The following KCTD1 variants were observed in gnomAD, a reference collection of about 807,000 sequenced individuals.
KCTD1 encodes the protein BTB/POZ domain-containing protein KCTD1.
KCTD1 carries 24 observed loss-of-function variants against 66.0 expected under a neutral mutation model. The ratio of observed to expected loss-of-function variants is 0.36; its 90% confidence interval spans 0.26 to 0.51. KCTD1 has a LOEUF of 0.51. Among genes scored for constraint, KCTD1 ranks in the 20% least tolerant of loss-of-function variants. KCTD1 has a pLI of 0.95. For synonymous variants in KCTD1, 511 were observed against 517.2 expected (o/e 0.99, Z 0.16); for missense variants, 943 against 1,205.2 (o/e 0.78, Z 3.22).
upstream of KCTD1, among the ~76,000 whole-genome samples, chr18:26,641,287 G>C (rs140797643): frequency 7.8e-3 from 1,183 of 152,200 alleles, 47 homozygotes; most frequent in Admixed American, 0.056. Context: ...GTAGCGCCAC[G>C]GTGCCTCAGA....
At chr18:26,543,136 T>C (rs1985053340) in intron 1 of KCTD1, 1 of 152,230 alleles carries the variant, frequency 6.6e-6, no homozygotes, top group African/African-American at 2.4e-5. Flanking sequence ...AAGAAAGTTA[T>C]ATACTTATGT....
At chr18:26,567,978 C>G (rs1409744066) in intron 1 of KCTD1, among the ~76,000 whole-genome samples, 5 of 152,138 alleles carry the variant, frequency 3.3e-5, no homozygotes, top group Admixed American at 6.5e-5. Flanking sequence ...TCAAGATGAT[C>G]AAGGCCTCAT....
chr18:26,524,694 T>C (rs1486752644), intron 1 of KCTD1, among the ~76,000 whole-genome samples: 1 of 152,170 alleles, frequency 6.6e-6, no homozygotes, highest in African/African-American at 2.4e-5. Context: ...ATGATATCTC[T>C]GGAAGAATCC....
At chr18:26,626,974 T>G (rs2145030770) in intron 1 of KCTD1, among the ~76,000 whole-genome samples, 1 of 152,292 alleles carries the variant, frequency 6.6e-6, no homozygotes, top group East Asian at 1.9e-4. Flanking sequence ...TATGGAATAA[T>G]GATGCTTGTT....
At chr18:26,655,035 G>A (rs762866210) in intron 1 of KCTD1, among the ~76,000 whole-genome samples, 9 of 152,316 alleles carry the variant, frequency 5.9e-5, no homozygotes, top group Middle Eastern at 3.4e-3. Context: ...CACCAAGTAG[G>A]CTATTAGTTG....
chr18:26,510,766 T>C (rs1339789306), intron 1 of KCTD1, among the ~76,000 whole-genome samples: 2 of 152,242 alleles, frequency 1.3e-5, no homozygotes, highest in African/African-American at 4.8e-5. Flanking sequence ...TTAAATACAC[T>C]TAAAACACTA....
chr18:26,546,916 ACACAGACTCGTACAGGGCGCGCTTGGG>A lies in KCTD1; in HGVS notation c.1594_1620del (p.Pro532_Val540del), dbSNP rs745470637. The A allele has an allele frequency of 1.6e-4, 244 of 1,482,086 alleles. 3 individuals are homozygous for A. The East Asian group carries it at 5.9e-3, about 36-fold the overall frequency. 91.8% of individuals were successfully genotyped at this position (1,482,086 alleles called of 1,614,324 possible). On this transcript the variant is annotated inframe_deletion, in exon 1 of 5. Transcript: ENST00000580059. ...GGGCCGCAGATTTCCCCCGACCCGA[ACACAGACTCGTACAGGGCGCGCTTGGG>A]CGCAGCCTCGGATTTCACGTCGGGC...
chr18:26,543,325 C>T (rs979070351), intron 1 of KCTD1: 1 of 152,198 alleles, frequency 6.6e-6, no homozygotes, highest in African/African-American at 2.4e-5. Context: ...TTGTTACAAT[C>T]GCTATACTCC....
intron 2 of KCTD1, among the ~76,000 whole-genome samples, chr18:26,496,905 T>C (rs917007933): frequency 8.5e-5 from 13 of 152,162 alleles, no homozygotes; most frequent in African/African-American, 3.1e-4. Flanking sequence ...GGATCATACA[T>C]CTTGGTGCCA....
chr18:26,609,083 C>CCTGGATTTATAGGATAAATCT (rs531223702), intron 1 of KCTD1, among the ~76,000 whole-genome samples: 173 of 152,152 alleles, frequency 1.1e-3, no homozygotes, highest in African/African-American at 3.9e-3. Flanking sequence ...ACTCTTGTGT[C>CCTGGATTTATAGGATAAATCT]CTGGATTTAT....
chr18:26,496,775 A>T (rs1380647344), intron 2 of KCTD1, among the ~76,000 whole-genome samples: 1 of 150,264 alleles, frequency 6.7e-6, no homozygotes. Flanking sequence ...CACGCATTGG[A>T]ACCACTGGTA....
At chr18:26,592,421 C>A (rs566000068) in intron 1 of KCTD1, among the ~76,000 whole-genome samples, 2 of 152,244 alleles carry the variant, frequency 1.3e-5, no homozygotes, top group East Asian at 3.9e-4. Flanking sequence ...TACAATAGTT[C>A]CATGGCTACC....
At chr18:26,553,393 T>A (rs1985623786), upstream of KCTD1, among the ~76,000 whole-genome samples, 1 of 152,242 alleles carries the variant, frequency 6.6e-6, no homozygotes. Context: ...AAACTTTGTC[T>A]TATTTATTTC....
upstream of KCTD1, chr18:26,549,632 C>T (rs1231913455): frequency 4.6e-6 from 4 of 875,984 alleles, no homozygotes; most frequent in Admixed American, 6.2e-5. Flanking sequence ...TGAAGTCTCC[C>T]TAAGGCCCAT....
chr18:26,494,124 C>A (rs1458081320), intron 2 of KCTD1, among the ~76,000 whole-genome samples: 1 of 152,192 alleles, frequency 6.6e-6, no homozygotes, highest in African/African-American at 2.4e-5. Flanking sequence ...AATCTCAACA[C>A]TTTGGGAGGC....
chr18:26,499,612 A>C (rs533470183), intron 2 of KCTD1, among the ~76,000 whole-genome samples: 4 of 152,242 alleles, frequency 2.6e-5, no homozygotes, highest in Non-Finnish European at 4.4e-5. Context: ...TAAATTATCA[A>C]GTAATGGAGT....
intron 2 of KCTD1, among the ~76,000 whole-genome samples, chr18:26,481,069 CT>C (rs1255683692): frequency 6.6e-6 from 1 of 152,156 alleles, no homozygotes; most frequent in Non-Finnish European, 1.5e-5. Flanking sequence ...TTAAGAATTT[CT>C]TTGTTTCTTG....
Position 26,513,289 on chromosome 18 carries a change from G to A in KCTD1, c.1810-12039C>T, listed in dbSNP as rs899632979. ...TTTTTAGTAGAGACGGGGTTTCATCGCGTTAGCCAGGATGGTCTCCATCTC... is the reference window on the plus strand; with the variant it reads ...TTTTTAGTAGAGACGGGGTTTCATCACGTTAGCCAGGATGGTCTCCATCTC... On this transcript the variant is annotated intron_variant, in intron 1 of 4. Coordinates refer to ENST00000580059, the MANE Select transcript of KCTD1 (RefSeq NM_001142730.3). Among the ~76,000 whole-genome samples the A allele has an allele frequency of 4.3e-3, 645 of 151,542 alleles. 5 individuals carry two copies. Among genetic ancestry groups the A allele is most frequent in the African/African-American group, 0.015 (622 of 41,318 alleles).
In KCTD1 at chr18:26,455,641, G is replaced by A. The variant is rs1312987753; in HGVS notation, c.*102C>T. The A allele has an allele frequency of 1.6e-5, 23 of 1,450,634 alleles. No homozygotes were observed. Among genetic ancestry groups the A allele is most frequent in the African/African-American group, 5.7e-5 (4 of 70,058 alleles). 89.9% of individuals were successfully genotyped at this position (1,450,634 alleles called of 1,614,324 possible). A position where few individuals can be genotyped will look rare whatever the true frequency, so the allele number is the denominator to read the frequency against. On this transcript the variant is annotated 3_prime_UTR_variant, in exon 5 of 5. Coordinates refer to ENST00000580059, the MANE Select transcript of KCTD1 (RefSeq NM_001142730.3). Reference sequence around the variant, plus strand: ...AAATGTGTCTTTTATTCGATTTTACGTCCAGGACTTGGTTTGCTGTCCCAA... The same window carrying A: ...AAATGTGTCTTTTATTCGATTTTACATCCAGGACTTGGTTTGCTGTCCCAA...
Sources: allele counts gnomAD v4.1 joint callset (sites outside exome capture counted in the v4.1 genomes callset), GRCh38; gene constraint gnomAD v4.1.1; transcripts MANE v1.5; gene names NCBI Gene and HGNC (gene_info 2026-07-23, HGNC 2026-07-21).